CCNB2: variants seen among roughly 807,000 people sequenced by gnomAD.
The protein encoded by CCNB2 is G2/mitotic-specific cyclin-B2.
A neutral mutation model predicts 51.1 loss-of-function variants in CCNB2; 39 were observed. That is an observed-to-expected ratio of 0.76 (90% CI 0.59 to 1.00). The LOEUF is 1.00. CCNB2 is among the 50% of genes least tolerant of loss of function. CCNB2 has a pLI of 0.00. For missense variants in CCNB2, 472 were observed against 470.3 expected (o/e 1.00, Z -0.03); for synonymous variants, 174 against 165.5 (o/e 1.05, Z -0.40).
intron 7 of CCNB2, 62 bp downstream of exon 7, chr15:59,117,430 G>A: frequency 2.0e-6 from 3 of 1,523,726 alleles, no homozygotes; most frequent in East Asian, 2.3e-5. Context: ...TAATACAAAA[G>A]GCCTTAGCAT....
chr15:59,113,407 T>C (rs889155410), intron 3 of CCNB2, among the ~76,000 whole-genome samples: 2 of 152,196 alleles, frequency 1.3e-5, no homozygotes, highest in African/African-American at 4.8e-5. Context: ...TCAGGGATTA[T>C]ATAGATGTTT....
At chr15:59,123,192 T>TAAAACA (rs2079310603) in intron 7 of CCNB2, among the ~76,000 whole-genome samples, 1 of 152,234 alleles carries the variant, frequency 6.6e-6, no homozygotes, top group Non-Finnish European at 1.5e-5. Context: ...CACTTTGTTT[T>TAAAACA]AAGTGTCTCC....
intron 3 of CCNB2, among the ~76,000 whole-genome samples, chr15:59,112,425 A>C (rs1596330637): frequency 6.6e-6 from 1 of 150,936 alleles, no homozygotes; most frequent in Admixed American, 6.6e-5. Context: ...GCTCACTGCA[A>C]CCTCTGCCTC....
chr15:59,121,027 C>T (rs771825821), intron 7 of CCNB2: 4 of 142,244 alleles, frequency 2.8e-5, no homozygotes, highest in Non-Finnish European at 6.2e-5. Context: ...AAAGGAACTG[C>T]CTCGATGCTT....
At chr15:59,121,530 CT>C (rs1432844087) in intron 7 of CCNB2, 1 of 152,232 alleles carries the variant, frequency 6.6e-6, no homozygotes, top group African/African-American at 2.4e-5. Context: ...GGCACAGTGG[CT>C]CACACCTGTA....
intron 8 of CCNB2, 68 bp downstream of exon 8, chr15:59,123,695 G>GA: frequency 2.6e-6 from 2 of 759,044 alleles, no homozygotes; most frequent in Admixed American, 2.2e-5. Flanking sequence ...ATGTTGGGCG[G>GA]GGGGGGGCGG....
intron 7 of CCNB2, among the ~76,000 whole-genome samples, chr15:59,119,142 AT>A (rs1338424126): frequency 1.2e-4 from 19 of 152,284 alleles, no homozygotes; most frequent in Non-Finnish European, 2.5e-4. Flanking sequence ...CTTTTGAACA[AT>A]GTAAATATTT....
chr15:59,106,089 C>T (rs570834854), intron 1 of CCNB2, among the ~76,000 whole-genome samples: 1 of 152,162 alleles, frequency 6.6e-6, no homozygotes, highest in Non-Finnish European at 1.5e-5. Context: ...CCTGACACAC[C>T]TGAGTTCCAT....
chr15:59,119,460 C>CAAAAAAAAAA (rs370628686), intron 7 of CCNB2, among the ~76,000 whole-genome samples: 3 of 83,930 alleles, frequency 3.6e-5, no homozygotes, highest in African/African-American at 4.7e-5. Context: ...ACCCTGTCTC[C>CAAAAAAAAAA]AAAAAAAAAA....
intron 7 of CCNB2, among the ~76,000 whole-genome samples, chr15:59,123,121 G>A (rs2079310183): frequency 6.6e-6 from 1 of 152,192 alleles, no homozygotes; most frequent in Non-Finnish European, 1.5e-5. Flanking sequence ...CTCATAACAG[G>A]GACAGCTGGG....
intron 3 of CCNB2, among the ~76,000 whole-genome samples, chr15:59,108,499 G>A (rs1195517192): frequency 1.3e-5 from 2 of 152,028 alleles, no homozygotes; most frequent in African/African-American, 2.4e-5. Flanking sequence ...TCAATAGTGG[G>A]TATGAAGAAA....
intron 3 of CCNB2, among the ~76,000 whole-genome samples, chr15:59,110,541 T>C (rs1454651489): frequency 6.6e-6 from 1 of 152,226 alleles, no homozygotes; most frequent in African/African-American, 2.4e-5. Context: ...CACTGTTCTT[T>C]AGAGCCAATC....
intron 3 of CCNB2, among the ~76,000 whole-genome samples, chr15:59,113,444 T>A (rs2079266070): frequency 6.6e-6 from 1 of 152,156 alleles, no homozygotes; most frequent in African/African-American, 2.4e-5. Flanking sequence ...CAAAACCAAT[T>A]AAATAAACGT....
At position 59,124,709 on chromosome 15, in the gene CCNB2, G is replaced by C. The variant is rs1338111236; in HGVS notation, c.1087-58G>C. 1.5e-5 allele frequency: 17 copies of C among 1,143,302 alleles called. No homozygotes were observed. In the African/African-American group the frequency reaches 2.3e-4, roughly 15 times the overall value. The allele number at this position is 1,143,302 out of a possible 1,614,324, so 70.8% of individuals were successfully genotyped here. A position where few individuals can be genotyped will look rare whatever the true frequency, so the allele number is the denominator to read the frequency against. ...CCTTTGATAATTGTGAGTTAGACTA[G>C]GAATAAGGTATCATTGGGGGTTCCT... On this transcript the variant is annotated intron_variant, in intron 8 of 8. Coordinates refer to ENST00000288207, the MANE Select transcript of CCNB2 (RefSeq NM_004701.4).
chr15:59,124,461 G>A, intron 8 of CCNB2: 1 of 375,944 alleles, frequency 2.7e-6, no homozygotes, highest in Non-Finnish European at 4.9e-6. Flanking sequence ...ATGGCACTTA[G>A]GTGTCGTAAA....
Position 59,107,322 on chromosome 15 carries a change from G to C in CCNB2, c.25G>C (p.Val9Leu). 6.5e-7 allele frequency: 1 copy of C among 1,532,380 alleles called. No individual in the cohort carries two copies. Among genetic ancestry groups the C allele is most frequent in the Non-Finnish European group, 8.8e-7 (1 of 1,140,050 alleles). 94.9% of individuals were successfully genotyped at this position (1,532,380 alleles called of 1,614,324 possible). A position where few individuals can be genotyped will look rare whatever the true frequency, so the allele number is the denominator to read the frequency against. MALLRRPT[V>L]SSDLENIDTG... ...CATTACTTTTTTTTTTTTTTTTCAG[G>C]TGTCCAGTGATTTGGAGAATATTGA... The change falls in exon 2 of 9, where the codon GTG becomes CTG. Residue 9 changes from valine (V) to leucine (L), a missense_variant and splice_region_variant. By Grantham distance (32) the Val-to-Leu change is conservative (BLOSUM62 1). Transcript: ENST00000288207.
At chr15:59,122,654 A>G (rs2079308178) in intron 7 of CCNB2, among the ~76,000 whole-genome samples, 1 of 149,412 alleles carries the variant, frequency 6.7e-6, no homozygotes, top group Non-Finnish European at 1.5e-5. Flanking sequence ...CTTCCTCCTC[A>G]GCTCCTCAAG....
At chr15:59,112,907 G>A (rs1256131995) in intron 3 of CCNB2, among the ~76,000 whole-genome samples, 2 of 151,740 alleles carry the variant, frequency 1.3e-5, no homozygotes, top group Non-Finnish European at 1.5e-5. Flanking sequence ...GGTGGAAGGC[G>A]CCTGTAGTCC....
At chr15:59,107,233 C>G (rs2079238784) in intron 1 of CCNB2, 89 bp from the exon 2 acceptor site, 1 of 1,240,416 alleles carries the variant, frequency 8.1e-7, no homozygotes, top group Admixed American at 2.6e-5. Flanking sequence ...ATTGTCCTTT[C>G]CCAAAGCAAT....
Sources: gnomAD v4.1 joint callset for allele counts (sites outside exome capture counted in the v4.1 genomes callset) on GRCh38, gnomAD v4.1.1 for gene constraint, MANE v1.5 for transcripts, NCBI Gene and HGNC (gene_info 2026-07-23, HGNC 2026-07-21) for gene names.